LIMS1: variants seen among roughly 807,000 people sequenced by gnomAD.
LIMS1 encodes the protein LIM zinc finger domain containing 1, also known as LIM and senescent cell antigen-like-containing domain protein 1.
Under a neutral mutation model 44.1 loss-of-function variants are expected in LIMS1, and 18 were observed. The ratio of observed to expected loss-of-function variants is 0.41; its 90% CI spans 0.28 to 0.61. LIMS1 has a LOEUF of 0.61. Ranked by LOEUF, LIMS1 falls within the 20% of genes least tolerant of loss-of-function variation. LIMS1 has a pLI of 0.32. For synonymous variants in LIMS1, 93 were observed against 149.1 expected, an observed-to-expected ratio of 0.62 and a Z score of 2.74; for missense variants, 201 against 422.0, an observed-to-expected ratio of 0.48 and a Z score of 4.59.
chr2:108,576,175 G>A (rs1457210488), intron 1 of LIMS1, among the ~76,000 whole-genome samples: 4 of 152,168 alleles, frequency 2.6e-5, no homozygotes, highest in African/African-American at 9.7e-5. Flanking sequence ...TTGACTGAAC[G>A]AGAGCTAATA....
At chr2:108,645,574 A>C (rs151082368) in intron 1 of LIMS1, among the ~76,000 whole-genome samples, 91 of 152,308 alleles carry the variant, frequency 6.0e-4, no homozygotes, top group African/African-American at 2.0e-3. Context: ...GCTGTGAAGA[A>C]ACTGCATCAA....
chr2:108,611,854 T>TATACACAC (rs771325535), intron 1 of LIMS1, among the ~76,000 whole-genome samples: 7 of 125,250 alleles, frequency 5.6e-5, no homozygotes, highest in Non-Finnish European at 8.8e-5. Flanking sequence ...TATATATATA[T>TATACACAC]ACACACATAT....
At chr2:108,637,360 TATC>T (rs1689350748) in intron 1 of LIMS1, among the ~76,000 whole-genome samples, 1 of 152,204 alleles carries the variant, frequency 6.6e-6, no homozygotes, top group South Asian at 2.1e-4. Flanking sequence ...TCTTTTACCT[TATC>T]ATTGAGGGAA....
At chr2:108,583,700 C>CTTTTTTTTTT (rs759827869) in intron 1 of LIMS1, among the ~76,000 whole-genome samples, 46 of 129,864 alleles carry the variant, frequency 3.5e-4, no homozygotes, top group African/African-American at 8.7e-4. Flanking sequence ...GTTGCTGTTT[C>CTTTTTTTTTT]TTTTTTTTTT....
chr2:108,620,527 A>G (rs1215801691), intron 1 of LIMS1, among the ~76,000 whole-genome samples: 1 of 152,142 alleles, frequency 6.6e-6, no homozygotes, highest in Non-Finnish European at 1.5e-5. Flanking sequence ...TGTTGTACAC[A>G]TCCCCACACC....
intron 1 of LIMS1, among the ~76,000 whole-genome samples, chr2:108,557,432 A>G (rs1684962951): frequency 6.6e-6 from 1 of 152,048 alleles, no homozygotes; most frequent in African/African-American, 2.4e-5. Flanking sequence ...TAATTTTAAC[A>G]TGGAACTTCT....
chr2:108,554,656 C>T (rs752025938), intron 1 of LIMS1, among the ~76,000 whole-genome samples: 16 of 152,132 alleles, frequency 1.1e-4, no homozygotes, highest in Non-Finnish European at 2.2e-4. Flanking sequence ...ATTCAATATC[C>T]GTGCCATTAC....
chr2:108,591,680 G>C (rs1165923703), intron 1 of LIMS1, among the ~76,000 whole-genome samples: 3 of 151,852 alleles, frequency 2.0e-5, no homozygotes, highest in African/African-American at 7.3e-5. Flanking sequence ...GGCTTGTCTT[G>C]AACTCCTGGC....
chr2:108,666,628 AC>A (rs1369227889), intron 2 of LIMS1, among the ~76,000 whole-genome samples: 10 of 122,026 alleles, frequency 8.2e-5, no homozygotes, highest in Non-Finnish European at 1.5e-4. Flanking sequence ...TCCTGTCTCT[AC>A]AAAAAATAAC....
At chr2:108,536,485 A>G (rs533086118) in intron 1 of LIMS1, among the ~76,000 whole-genome samples, 55 of 152,308 alleles carry the variant, frequency 3.6e-4, no homozygotes, top group African/African-American at 1.3e-3. Context: ...CATGGTATGG[A>G]TGTACAGCAG....
chr2:108,540,866 C>T (rs760366870), intron 1 of LIMS1, among the ~76,000 whole-genome samples: 2 of 152,186 alleles, frequency 1.3e-5, no homozygotes, highest in African/African-American at 2.4e-5. Context: ...TTGGTTTGCT[C>T]TGTTACTTTA....
intron 1 of LIMS1, among the ~76,000 whole-genome samples, chr2:108,556,319 C>A (rs528128179): frequency 2.2e-4 from 33 of 152,200 alleles, no homozygotes; most frequent in African/African-American, 7.2e-4. Context: ...TATGTATATA[C>A]TGTACTTGTT....
At chr2:108,584,612 G>C (rs1304790566) in intron 1 of LIMS1, among the ~76,000 whole-genome samples, 1 of 152,120 alleles carries the variant, frequency 6.6e-6, no homozygotes, top group East Asian at 1.9e-4. Flanking sequence ...GAGTAAATGA[G>C]AATGTATAAC....
chr2:108,618,714 A>C (rs958564377), intron 1 of LIMS1, among the ~76,000 whole-genome samples: 1 of 151,154 alleles, frequency 6.6e-6, no homozygotes, highest in Admixed American at 6.6e-5. Flanking sequence ...AATCCCAGCT[A>C]CTTGGGAGGC....
chr2:108,543,113 C>CATA (rs1684367228), intron 1 of LIMS1, among the ~76,000 whole-genome samples: 1 of 152,160 alleles, frequency 6.6e-6, no homozygotes, highest in Non-Finnish European at 1.5e-5. Flanking sequence ...GTACAAGTCC[C>CATA]ATAAGAGACT....
At chr2:108,575,415 C>T (rs78406374) in intron 1 of LIMS1, among the ~76,000 whole-genome samples, 10 of 152,190 alleles carry the variant, frequency 6.6e-5, no homozygotes, top group Non-Finnish European at 8.8e-5. Flanking sequence ...GCTGCCCTTA[C>T]GGCTCACAGA....
chr2:108,555,167 C>T (rs181444156), intron 1 of LIMS1, among the ~76,000 whole-genome samples: 215 of 152,252 alleles, frequency 1.4e-3, no homozygotes, highest in Admixed American at 7.3e-3. Context: ...TCCACATGAT[C>T]TGGGTTGCCT....
chr2:108,547,250 A>G (rs1286577641), intron 1 of LIMS1, among the ~76,000 whole-genome samples: 2 of 152,214 alleles, frequency 1.3e-5, no homozygotes, highest in South Asian at 2.1e-4. Context: ...CAGGCAGGAC[A>G]TCCTTAGGGA....
At chr2:108,678,539 C>T (rs183293634) in intron 8 of LIMS1, 1 of 156,726 alleles carries the variant, frequency 6.4e-6, no homozygotes, top group East Asian at 1.9e-4. Flanking sequence ...CCAGAGACTT[C>T]CTGGCAAAGT....
Sources: gnomAD v4.1 joint callset for allele counts (sites outside exome capture counted in the v4.1 genomes callset) on GRCh38, gnomAD v4.1.1 for gene constraint, MANE v1.5 for transcripts, NCBI Gene and HGNC (gene_info 2026-07-23, HGNC 2026-07-21) for gene names.